The following BRINP1 variants were observed in gnomAD, a reference collection of about 807,000 sequenced individuals.
BRINP1 encodes the protein BMP/retinoic acid inducible neural specific 1.
A neutral mutation model predicts 72.9 loss-of-function variants in BRINP1; 17 were observed. The ratio of observed to expected loss-of-function variants is 0.23; its 90% CI spans 0.16 to 0.35. BRINP1 has a LOEUF of 0.35. BRINP1 is among the 10% of genes least tolerant of loss of function. BRINP1 has a pLI of 1.00. For missense variants in BRINP1, 850 were observed against 1,001.6 expected, an observed-to-expected ratio of 0.85 and a Z score of 2.04; for synonymous variants, 418 against 378.5, an observed-to-expected ratio of 1.10 and a Z score of -1.21.
chr9:119,283,253 G>C lies in BRINP1; in HGVS notation c.218+29885C>G, dbSNP rs1012631961. The C allele has an allele frequency of 3.4e-6, 3 of 871,272 alleles. No homozygotes were observed. The Admixed American group carries it at 1.9e-4, about 54-fold the overall frequency. The allele number at this position is 871,272 out of a possible 1,614,324, so 54.0% of individuals were successfully genotyped here. Reference sequence around the variant, plus strand: ...TGGAACTGCAGCTTCAGCTGCCTCAGCATCACCTGGCAGCTTGTTAGAAAT... The same window carrying C: ...TGGAACTGCAGCTTCAGCTGCCTCACCATCACCTGGCAGCTTGTTAGAAAT... On this transcript the variant is annotated intron_variant, in intron 2 of 7. Coordinates refer to ENST00000265922, the MANE Select transcript of BRINP1 (RefSeq NM_014618.3).
intron 2 of BRINP1, among the ~76,000 whole-genome samples, chr9:119,278,173 T>C (rs1364420175): frequency 1.3e-5 from 2 of 152,182 alleles, no homozygotes; most frequent in African/African-American, 2.4e-5. Flanking sequence ...TACAACTCAA[T>C]ATTTGCACTG....
intron 6 of BRINP1, among the ~76,000 whole-genome samples, chr9:119,210,526 C>A (rs947978869): frequency 4.6e-5 from 7 of 152,138 alleles, no homozygotes; most frequent in African/African-American, 1.7e-4. Flanking sequence ...TGCCCAAGGT[C>A]AAATGGCCAG....
chr9:119,248,964 C>T lies in BRINP1; in HGVS notation c.405G>A (p.Leu135=). The change falls in exon 3 of 8, where the codon TTG becomes TTA. Residue 135 remains leucine, a synonymous_variant. Transcript: ENST00000265922. ...GCCCAGTGGCTGCTGACCTACCTCCCAATGTGGCTGAGATGAGCAGGTGGG... is the reference window on the plus strand; with the variant it reads ...GCCCAGTGGCTGCTGACCTACCTCCTAATGTGGCTGAGATGAGCAGGTGGG... The part of the protein sequence containing the change: ...YGTHLLISAT[L]GGEEALTMYM... 6.2e-7 allele frequency: 1 copy of T among 1,611,000 alleles called. No homozygotes were observed. Among genetic ancestry groups the T allele is most frequent in the African/African-American group, 1.3e-5 (1 of 75,030 alleles).
intron 7 of BRINP1, among the ~76,000 whole-genome samples, chr9:119,204,506 C>T (rs1193442671): frequency 6.6e-6 from 1 of 152,122 alleles, no homozygotes; most frequent in Non-Finnish European, 1.5e-5. Context: ...CTTTCTGTGC[C>T]TCAGTTCCTT....
chr9:119,270,455 G>T (rs1035071166), intron 2 of BRINP1, among the ~76,000 whole-genome samples: 1 of 152,138 alleles, frequency 6.6e-6, no homozygotes, highest in South Asian at 2.1e-4. Flanking sequence ...TGAATTAGGG[G>T]AGTAGCAAGA....
intron 6 of BRINP1, among the ~76,000 whole-genome samples, chr9:119,210,234 GGGTTGATCA>G (rs1829909140): frequency 6.6e-6 from 1 of 151,952 alleles, no homozygotes; most frequent in Non-Finnish European, 1.5e-5. Flanking sequence ...AAATATCAAG[GGGTTGATCA>G]TTTTGTAGGA....
At chr9:119,360,730 T>C in intron 1 of BRINP1, among the ~76,000 whole-genome samples, 1 of 152,184 alleles carries the variant, frequency 6.6e-6, no homozygotes, top group East Asian at 1.9e-4. Flanking sequence ...CTCCATTATT[T>C]CTCACAGAGG....
At chr9:119,198,101 G>C (rs371365745) in intron 7 of BRINP1, among the ~76,000 whole-genome samples, 9 of 152,164 alleles carry the variant, frequency 5.9e-5, no homozygotes, top group African/African-American at 1.9e-4. Context: ...ATGTTAAATA[G>C]AATATACCAC....
chr9:119,353,822 CTTTTTTTTT>C (rs138900910), intron 1 of BRINP1, among the ~76,000 whole-genome samples: 18 of 30,926 alleles, frequency 5.8e-4, no homozygotes, highest in Admixed American at 5.4e-4. Context: ...GTTTTGAGCA[CTTTTTTTTT>C]TTTTTTTTTT....
intron 5 of BRINP1, among the ~76,000 whole-genome samples, chr9:119,215,842 C>T (rs1336687337): frequency 1.3e-5 from 2 of 151,710 alleles, no homozygotes; most frequent in Non-Finnish European, 2.9e-5. Context: ...TAGTCAGAAA[C>T]CTGGGCATGG....
chr9:119,340,381 G>C (rs1359743640), intron 1 of BRINP1, among the ~76,000 whole-genome samples: 1 of 151,714 alleles, frequency 6.6e-6, no homozygotes, highest in African/African-American at 2.4e-5. Context: ...CATGAGTAGA[G>C]TCTCATTAGC....
chr9:119,194,597 C>T (rs1829715471), intron 7 of BRINP1, among the ~76,000 whole-genome samples: 2 of 152,218 alleles, frequency 1.3e-5, no homozygotes, highest in South Asian at 4.1e-4. Flanking sequence ...GTGAGAAGGA[C>T]TCCATGCATC....
chr9:119,324,526 A>G (rs1438033277), intron 1 of BRINP1, among the ~76,000 whole-genome samples: 1 of 152,242 alleles, frequency 6.6e-6, no homozygotes, highest in African/African-American at 2.4e-5. Flanking sequence ...AAAATGGTGA[A>G]GGGCCAGCCA....
chr9:119,283,622 G>A (rs1396427409), intron 2 of BRINP1, among the ~76,000 whole-genome samples: 1 of 152,150 alleles, frequency 6.6e-6, no homozygotes, highest in Non-Finnish European at 1.5e-5. Context: ...TCCGCCTCCC[G>A]GGTTCAAGCA....
chr9:119,222,029 C>G (rs10984446), intron 5 of BRINP1, among the ~76,000 whole-genome samples: 27,990 of 152,080 alleles, frequency 0.18, 2,864 homozygotes, highest in Non-Finnish European at 0.24. Context: ...CAAACTTAAA[C>G]AAGTTCACAT....
chr9:119,275,525 G>A (rs1304666938), intron 2 of BRINP1, among the ~76,000 whole-genome samples: 1 of 152,138 alleles, frequency 6.6e-6, no homozygotes, highest in East Asian at 1.9e-4. Flanking sequence ...CAGCTGGGGA[G>A]GTTTCATGTA....
At chr9:119,198,988 T>G (rs1411272696) in intron 7 of BRINP1, among the ~76,000 whole-genome samples, 1 of 152,176 alleles carries the variant, frequency 6.6e-6, no homozygotes, top group Non-Finnish European at 1.5e-5. Context: ...TATATTAACA[T>G]TCTATCTGTA....
chr9:119,311,694 A>G (rs1831070711), intron 2 of BRINP1, among the ~76,000 whole-genome samples: 1 of 152,234 alleles, frequency 6.6e-6, no homozygotes. Context: ...CAGTATCTAG[A>G]GGTCTTAATC....
intron 2 of BRINP1, among the ~76,000 whole-genome samples, chr9:119,280,388 G>A (rs1213326946): frequency 6.7e-6 from 1 of 150,260 alleles, no homozygotes; most frequent in Non-Finnish European, 1.5e-5. Flanking sequence ...ACAGGCACCC[G>A]CCACCACACC....
Sources: allele counts gnomAD v4.1 joint callset (sites outside exome capture counted in the v4.1 genomes callset), GRCh38; gene constraint gnomAD v4.1.1; transcripts MANE v1.5; gene names NCBI Gene and HGNC (gene_info 2026-07-23, HGNC 2026-07-21).